The following ZNF100 variants were observed in gnomAD, a reference collection of about 807,000 sequenced individuals.
The protein encoded by ZNF100 is zinc finger protein 100 (Y1).
Under a neutral mutation model 15.8 loss-of-function variants are expected in ZNF100, and 12 were observed. That is an observed-to-expected ratio of 0.76 (90% CI 0.49 to 1.23). The LOEUF (loss-of-function observed/expected upper bound fraction) is 1.23. ZNF100 is among the 50% of genes most tolerant of loss of function. ZNF100 has a pLI of 0.00. For missense variants in ZNF100, 670 were observed against 635.6 expected, an observed-to-expected ratio of 1.05 and a Z score of -0.58; for synonymous variants, 226 against 214.8, an observed-to-expected ratio of 1.05 and a Z score of -0.45.
Position 21,767,541 on chromosome 19 carries a change from G to C in ZNF100, c.-112C>G, listed in dbSNP as rs2036586659. Reference sequence around the variant, plus strand: ...GAGCAGAAGACACAGAGAAGTGAGAGCAAAACCTGGAGCTCCGGCTACAGC... The same window carrying C: ...GAGCAGAAGACACAGAGAAGTGAGACCAAAACCTGGAGCTCCGGCTACAGC... On this transcript the variant is annotated 5_prime_UTR_variant, in exon 1 of 5. Transcript: ENST00000358296. The C allele has an allele frequency of 1.4e-6, 2 of 1,479,748 alleles. No homozygotes were observed. The highest frequency in any genetic ancestry group is 2.4e-5 in the East Asian group (1 of 41,920). The allele number at this position is 1,479,748 out of a possible 1,614,324, so 91.7% of individuals were successfully genotyped here. A position where few individuals can be genotyped will look rare whatever the true frequency, so the allele number is the denominator to read the frequency against.
intron 2 of ZNF100, among the ~76,000 whole-genome samples, chr19:21,749,293 G>GA (rs35308521): frequency 1.6e-3 from 228 of 138,850 alleles, no homozygotes; most frequent in Middle Eastern, 4.0e-3. Flanking sequence ...TATGAAGGGA[G>GA]AAAAAAAAAA....
intron 2 of ZNF100, among the ~76,000 whole-genome samples, chr19:21,760,764 T>G (rs907349744): frequency 1.4e-4 from 21 of 147,496 alleles, no homozygotes; most frequent in Non-Finnish European, 1.9e-4. Context: ...GTTTTTTTTT[T>G]TTTTTTTTTT....
At chr19:21,751,346 T>A in intron 2 of ZNF100, 1 of 829,008 alleles carries the variant, frequency 1.2e-6, no homozygotes, top group Non-Finnish European at 2.2e-6. Flanking sequence ...TGATGAGAGA[T>A]CACATCCCCT....
At chr19:21,729,337 T>TAC (rs2035871766) in intron 4 of ZNF100, among the ~76,000 whole-genome samples, 1 of 150,154 alleles carries the variant, frequency 6.7e-6, no homozygotes, top group Admixed American at 6.8e-5. Flanking sequence ...CCATAAACCC[T>TAC]ACATACAAAA....
chr19:21,767,536 T>A lies in ZNF100; in HGVS notation c.-107A>T. On this transcript the variant is annotated 5_prime_UTR_variant, in exon 1 of 5. Coordinates refer to ENST00000358296, the MANE Select transcript of ZNF100 (RefSeq NM_173531.4). ...CCTAGGAGCAGAAGACACAGAGAAG[T>A]GAGAGCAAAACCTGGAGCTCCGGCT... 9.9e-6 allele frequency: 15 copies of A among 1,508,074 alleles called. No homozygotes were observed. The highest frequency in any genetic ancestry group is 1.3e-5 in the Non-Finnish European group (14 of 1,111,542). 93.4% of individuals were successfully genotyped at this position (1,508,074 alleles called of 1,614,324 possible). A position where few individuals can be genotyped will look rare whatever the true frequency, so the allele number is the denominator to read the frequency against.
chr19:21,734,549 T>C (rs938680093), intron 4 of ZNF100, among the ~76,000 whole-genome samples: 4 of 152,124 alleles, frequency 2.6e-5, no homozygotes, highest in Non-Finnish European at 4.4e-5. Context: ...TCAAGAACTA[T>C]TGGATTATGT....
intron 2 of ZNF100, among the ~76,000 whole-genome samples, chr19:21,764,894 C>A (rs1374432546): frequency 6.6e-6 from 1 of 151,958 alleles, no homozygotes; most frequent in Non-Finnish European, 1.5e-5. Context: ...TGTAACTCAC[C>A]AATTATCCAC....
chr19:21,741,678 A>G (rs1599387805), intron 4 of ZNF100, among the ~76,000 whole-genome samples: 2 of 151,612 alleles, frequency 1.3e-5, no homozygotes, highest in South Asian at 4.2e-4. Flanking sequence ...CCTGGCATGT[A>G]AAACTTTTTT....
At chr19:21,730,445 AGTGTGTGTGTGTGT>A (rs58942514) in intron 4 of ZNF100, among the ~76,000 whole-genome samples, 192 of 147,716 alleles carry the variant, frequency 1.3e-3, no homozygotes, top group Middle Eastern at 6.9e-3. Flanking sequence ...TGATAACCTA[AGTGTGTGTGTGTGT>A]GTGTGTGTGT....
Position 21,726,440 on chromosome 19 carries a change from C to T in ZNF100, c.*243G>A. The T allele has an allele frequency of 4.4e-6, 2 of 458,838 alleles. No homozygotes were observed. Among genetic ancestry groups the T allele is most frequent in the South Asian group, 4.5e-5 (1 of 22,320 alleles). The allele number at this position is 458,838 out of a possible 1,614,324, so 28.4% of individuals were successfully genotyped here. A position where few individuals can be genotyped will look rare whatever the true frequency, so the allele number is the denominator to read the frequency against. On this transcript the variant is annotated 3_prime_UTR_variant, in exon 5 of 5. Coordinates refer to ENST00000358296, the MANE Select transcript of ZNF100 (RefSeq NM_173531.4). ...ATTTAAAACTTTATCACATTCTTCA[C>T]ATTTCTAGGATTTCTCAACACTATG...
intron 2 of ZNF100, among the ~76,000 whole-genome samples, chr19:21,753,872 T>G (rs1444419023): frequency 6.6e-6 from 1 of 152,202 alleles, no homozygotes; most frequent in Non-Finnish European, 1.5e-5. Flanking sequence ...TCATCCTACA[T>G]GCTACCAACC....
intron 1 of ZNF100, among the ~76,000 whole-genome samples, chr19:21,766,920 G>A (rs2036572670): frequency 6.6e-6 from 1 of 152,300 alleles, no homozygotes; most frequent in East Asian, 1.9e-4. Context: ...CCAGAACCCG[G>A]GAGGCGGAGG....
intron 2 of ZNF100, among the ~76,000 whole-genome samples, chr19:21,749,354 T>C (rs2036265277): frequency 6.6e-6 from 1 of 151,444 alleles, no homozygotes; most frequent in Admixed American, 6.6e-5. Context: ...AATTAACCAC[T>C]CGTCAGCCTG....
At chr19:21,740,140 A>C (rs1305840667) in intron 4 of ZNF100, among the ~76,000 whole-genome samples, 1 of 152,210 alleles carries the variant, frequency 6.6e-6, no homozygotes. Flanking sequence ...AAACAGATGA[A>C]AGAGCAGAAT....
At chr19:21,763,255 C>T (rs947835055) in intron 2 of ZNF100, among the ~76,000 whole-genome samples, 20 of 151,592 alleles carry the variant, frequency 1.3e-4, no homozygotes, top group Non-Finnish European at 2.2e-4. Context: ...TGGATTGGGA[C>T]CCTTTTCGGT....
At chr19:21,729,403 A>C (rs981820834) in intron 4 of ZNF100, among the ~76,000 whole-genome samples, 2 of 150,892 alleles carry the variant, frequency 1.3e-5, no homozygotes, top group Non-Finnish European at 3.0e-5. Flanking sequence ...AAAACAACAC[A>C]GTCAAATAAA....
Position 21,744,964 on chromosome 19 carries a change from T to C in ZNF100, c.200A>G (p.Asn67Ser). 1 of 1,610,018 alleles carries C rather than the reference T, an allele frequency of 6.2e-7. No homozygotes were observed. The highest frequency in any genetic ancestry group is 8.5e-7 in the Non-Finnish European group (1 of 1,179,180). The stretch of plus-strand genomic sequence containing the variant: ...ACCCAAGAAGACCAGGTTTCTGTAG[T>C]TCTCTAACATCACTTTCCTATACAA... Reference protein sequence around the residue: ...QGLYRKVMLENYRNLVFLAGI... With the variant: ...QGLYRKVMLESYRNLVFLAGI... Residue 67 changes from asparagine (N) to serine (S), a missense_variant, in exon 3 of 5, where the codon AAC becomes AGC. By Grantham distance (46) the Asn-to-Ser change is conservative (BLOSUM62 1). Transcript: ENST00000358296.
chr19:21,757,447 AAT>A (rs2036409267), intron 2 of ZNF100, among the ~76,000 whole-genome samples: 1 of 152,192 alleles, frequency 6.6e-6, no homozygotes, highest in African/African-American at 2.4e-5. Context: ...AAAGGAAAAA[AAT>A]AGTCACTAAC....
intron 4 of ZNF100, among the ~76,000 whole-genome samples, chr19:21,735,635 CA>C (rs1453675791): frequency 1.3e-5 from 2 of 151,840 alleles, no homozygotes; most frequent in African/African-American, 4.8e-5. Flanking sequence ...AAGAATTTAC[CA>C]AGCAAATAAA....
Sources: allele counts gnomAD v4.1 joint callset (sites outside exome capture counted in the v4.1 genomes callset), GRCh38; gene constraint gnomAD v4.1.1; transcripts MANE v1.5; gene names NCBI Gene and HGNC (gene_info 2026-07-23, HGNC 2026-07-21).